DPP6: variants seen among roughly 807,000 people sequenced by gnomAD.
The protein encoded by DPP6 is dipeptidyl peptidase like 6.
DPP6 carries 69 observed loss-of-function variants against 122.6 expected under a neutral mutation model. The observed-to-expected ratio is 0.56, with a 90% CI of 0.46 to 0.69. The LOEUF (loss-of-function observed/expected upper bound fraction) is 0.69, where lower values mean the gene tolerates loss of function less well. Among genes scored for constraint, DPP6 ranks in the 30% least tolerant of loss-of-function variants. The probability of loss-of-function intolerance (pLI) is 0.00; values close to 1 mark genes in which losing one functional copy is unlikely to be tolerated. For synonymous variants in DPP6, 418 were observed against 433.1 expected (o/e 0.97, Z 0.43); for missense variants, 928 against 1,116.9 (o/e 0.83, Z 2.41).
intron 1 of DPP6, among the ~76,000 whole-genome samples, chr7:154,398,487 C>T (rs949663035): frequency 6.6e-6 from 1 of 152,154 alleles, no homozygotes; most frequent in African/African-American, 2.4e-5. Flanking sequence ...TCTGAACACC[C>T]TTGTATTTGG....
chr7:154,193,053 G>A (rs1415128581), intron 1 of DPP6, among the ~76,000 whole-genome samples: 1 of 152,220 alleles, frequency 6.6e-6, no homozygotes, highest in African/African-American at 2.4e-5. Context: ...AAAGCCTGAG[G>A]TTCTTGGGCC....
At chr7:154,104,542 G>C (rs1484327900) in intron 1 of DPP6, among the ~76,000 whole-genome samples, 1 of 152,250 alleles carries the variant, frequency 6.6e-6, no homozygotes, top group African/African-American at 2.4e-5. Flanking sequence ...TATCAAAACA[G>C]TCTGCTACCG....
At chr7:154,127,597 T>TCACACACACACACACACACACACACA (rs71182879) in intron 1 of DPP6, among the ~76,000 whole-genome samples, 4 of 136,734 alleles carry the variant, frequency 2.9e-5, no homozygotes, top group African/African-American at 1.2e-4. Flanking sequence ...GAGCAGCATC[T>TCACACACACACACACACACACACACA]CACACACACA....
chr7:154,246,268 T>G (rs74506179), intron 1 of DPP6, among the ~76,000 whole-genome samples: 8,344 of 151,242 alleles, frequency 0.055, 251 homozygotes, highest in Middle Eastern at 0.092. Context: ...AAATTAAAGC[T>G]TTCATTGTTT....
At chr7:154,208,976 C>T (rs976635916) in intron 1 of DPP6, among the ~76,000 whole-genome samples, 1 of 152,184 alleles carries the variant, frequency 6.6e-6, no homozygotes, top group Non-Finnish European at 1.5e-5. Context: ...CACACACACT[C>T]AGAGCATTTT....
intron 1 of DPP6, among the ~76,000 whole-genome samples, chr7:154,061,974 T>G (rs868472538): frequency 1.9e-5 from 2 of 107,938 alleles, no homozygotes; most frequent in East Asian, 2.8e-4. Flanking sequence ...GACTGAGAGC[T>G]ATCCCCTCTT....
At chr7:153,755,447 C>T in the DPP6 span, among the ~76,000 whole-genome samples, 3 of 145,578 alleles carry the variant, frequency 2.1e-5, no homozygotes, top group Admixed American at 2.1e-4. Flanking sequence ...CCAAAACTCA[C>T]ATTTTGATAA....
At chr7:153,803,135 G>T in the DPP6 span, among the ~76,000 whole-genome samples, 1 of 151,624 alleles carries the variant, frequency 6.6e-6, no homozygotes, top group African/African-American at 2.4e-5. Context: ...CTCCACACTG[G>T]CTTGGTCCAG....
rs962768343 is a variant in DPP6, at chr7:154,283,101, G to A, written c.244-163113G>A. Among the ~76,000 whole-genome samples the A allele has an allele frequency of 3.3e-5, 5 of 152,102 alleles. No individual in the cohort carries two copies. In the East Asian group the frequency reaches 7.7e-4, roughly 23 times the overall value. On this transcript the variant is annotated intron_variant, in intron 1 of 25. Transcript: ENST00000377770. The stretch of plus-strand genomic sequence containing the variant: ...TATTGAGTGAGCCCTTTCTGAATCG[G>A]GACCAGTCTCATCTCAGCTTATTAC...
chr7:153,765,134 A>G, the DPP6 span, among the ~76,000 whole-genome samples: 1 of 151,710 alleles, frequency 6.6e-6, no homozygotes, highest in Non-Finnish European at 1.5e-5. Flanking sequence ...CCTGTGGATT[A>G]TTGTAAATGT....
At chr7:154,744,276 C>T (rs576943530) in intron 8 of DPP6, among the ~76,000 whole-genome samples, 1 of 152,182 alleles carries the variant, frequency 6.6e-6, no homozygotes, top group Non-Finnish European at 1.5e-5. Flanking sequence ...ATTGATCTCT[C>T]AGAGCACTTG....
rs1210406229 is a variant in DPP6, at chr7:154,313,704, TATATATATATAC to T, written c.244-132508_244-132497del. 3.3e-3 allele frequency among the ~76,000 whole-genome samples: 86 copies of T among 26,210 alleles called. 24 individuals carry two copies. Among genetic ancestry groups the T allele is most frequent in the African/African-American group, 0.012 (78 of 6,420 alleles). The allele number at this position is 26,210 out of a possible 152,430, so 17.2% of individuals were successfully genotyped here. On this transcript the variant is annotated intron_variant, in intron 1 of 25. Transcript: ENST00000377770. ...GATATGGTATATATATATATATATA[TATATATATATAC>T]ACACACACGCACGCACACACACACA... is the stretch of plus-strand genomic sequence containing the variant.
At chr7:154,266,403 AC>A (rs1163177832) in intron 1 of DPP6, among the ~76,000 whole-genome samples, 1 of 152,004 alleles carries the variant, frequency 6.6e-6, no homozygotes, top group Admixed American at 6.6e-5. Flanking sequence ...TCCCAAAGTG[AC>A]CCCATCTCTA....
At chr7:154,376,902 T>C (rs559965487) in intron 1 of DPP6, among the ~76,000 whole-genome samples, 32 of 152,212 alleles carry the variant, frequency 2.1e-4, no homozygotes, top group Non-Finnish European at 2.6e-4. Context: ...TCATATAGTT[T>C]CCCAGCATTT....
chr7:154,747,781 G>A (rs180694362), intron 8 of DPP6, among the ~76,000 whole-genome samples: 11 of 152,194 alleles, frequency 7.2e-5, no homozygotes, highest in Admixed American at 2.6e-4. Context: ...ATGCGGAGAC[G>A]GTGTCCAATT....
intron 1 of DPP6, among the ~76,000 whole-genome samples, chr7:154,190,249 C>T (rs1261276027): frequency 6.6e-6 from 1 of 152,154 alleles, no homozygotes; most frequent in Non-Finnish European, 1.5e-5. Context: ...GCCAGGAAAC[C>T]CTGATGCTGC....
At chr7:154,459,116 C>T (rs748499400) in intron 2 of DPP6, among the ~76,000 whole-genome samples, 4 of 143,538 alleles carry the variant, frequency 2.8e-5, no homozygotes, top group Non-Finnish European at 4.7e-5. Flanking sequence ...TTAAATTTGT[C>T]GAGATGGGAG....
At chr7:154,252,533 A>T (rs183347411) in intron 1 of DPP6, among the ~76,000 whole-genome samples, 26 of 152,256 alleles carry the variant, frequency 1.7e-4, no homozygotes, top group Admixed American at 1.2e-3. Flanking sequence ...CCCACCACCA[A>T]CCCTGTTCTA....
intron 1 of DPP6, among the ~76,000 whole-genome samples, chr7:154,030,427 C>T (rs535859416): frequency 3.4e-4 from 51 of 152,180 alleles, no homozygotes; most frequent in African/African-American, 1.1e-3. Flanking sequence ...TTCTTACAGC[C>T]GTGATGCTGA....
Sources: allele counts gnomAD v4.1 joint callset (sites outside exome capture counted in the v4.1 genomes callset), GRCh38; gene constraint gnomAD v4.1.1; transcripts MANE v1.5; gene names NCBI Gene and HGNC (gene_info 2026-07-23, HGNC 2026-07-21).